Variants in SGMS1 observed in about 807,000 individuals in gnomAD.
SGMS1 encodes the protein phosphatidylcholine:ceramide cholinephosphotransferase 1.
Under a neutral mutation model 46.2 loss-of-function variants are expected in SGMS1, and 13 were observed. The observed-to-expected ratio is 0.28, with a 90% CI of 0.18 to 0.45. SGMS1 has a LOEUF of 0.45. SGMS1 is among the 20% of genes least tolerant of loss of function. The pLI is 1.00. For missense variants in SGMS1, 324 were observed against 519.9 expected, an observed-to-expected ratio of 0.62 and a Z score of 3.66; for synonymous variants, 203 against 187.8, an observed-to-expected ratio of 1.08 and a Z score of -0.66.
chr10:50,602,888 A>G (rs1198870754), intron 1 of SGMS1, among the ~76,000 whole-genome samples: 2 of 152,250 alleles, frequency 1.3e-5, no homozygotes, highest in African/African-American at 4.8e-5. Context: ...CAGGATAGAG[A>G]AAATTTTACA....
intron 5 of SGMS1, among the ~76,000 whole-genome samples, chr10:50,454,683 T>A (rs1011242750): frequency 6.6e-6 from 1 of 152,218 alleles, no homozygotes; most frequent in African/African-American, 2.4e-5. Flanking sequence ...ATTTTACAAT[T>A]CTACTTAAAC....
chr10:50,471,053 A>G (rs759948123), intron 3 of SGMS1, among the ~76,000 whole-genome samples: 1 of 152,226 alleles, frequency 6.6e-6, no homozygotes, highest in African/African-American at 2.4e-5. Context: ...TTAAGGAAGT[A>G]GTTACTAAAA....
chr10:50,386,535 C>A (rs1848685130), intron 6 of SGMS1, among the ~76,000 whole-genome samples: 2 of 152,156 alleles, frequency 1.3e-5, no homozygotes, highest in Admixed American at 6.5e-5. Flanking sequence ...TAAGTGGGAA[C>A]CTGTATGCTG....
At chr10:50,466,771 A>G (rs1289856904) in intron 4 of SGMS1, 119 bp downstream of exon 4, 1 of 152,192 alleles carries the variant, frequency 6.6e-6, no homozygotes, top group Non-Finnish European at 1.5e-5. Context: ...CTATATCCCC[A>G]AGATATTCCT....
chr10:50,358,726 T>C (rs1848197680), intron 6 of SGMS1, among the ~76,000 whole-genome samples: 1 of 152,176 alleles, frequency 6.6e-6, no homozygotes, highest in South Asian at 2.1e-4. Flanking sequence ...TAACAGATCT[T>C]TTAAGGCAAT....
chr10:50,337,072 A>G (rs1847727974), intron 7 of SGMS1, among the ~76,000 whole-genome samples: 1 of 152,214 alleles, frequency 6.6e-6, no homozygotes, highest in African/African-American at 2.4e-5. Context: ...GATAAATATT[A>G]CAGCTTATCA....
At chr10:50,364,565 T>C (rs1422917867) in intron 6 of SGMS1, among the ~76,000 whole-genome samples, 1 of 152,178 alleles carries the variant, frequency 6.6e-6, no homozygotes, top group African/African-American at 2.4e-5. Flanking sequence ...ACAAGGACAA[T>C]GTTCCTGATA....
At chr10:50,612,506 A>C (rs1416248763) in intron 1 of SGMS1, among the ~76,000 whole-genome samples, 1 of 152,240 alleles carries the variant, frequency 6.6e-6, no homozygotes, top group African/African-American at 2.4e-5. Context: ...AAAAAAGAAA[A>C]CAAGGAACTG....
chr10:50,399,049 A>G (rs1848891779), intron 6 of SGMS1, among the ~76,000 whole-genome samples: 1 of 152,106 alleles, frequency 6.6e-6, no homozygotes, highest in Non-Finnish European at 1.5e-5. Context: ...TAAGAGAGGA[A>G]TCTTATCTTT....
At chr10:50,377,250 C>T (rs1157931271) in intron 6 of SGMS1, among the ~76,000 whole-genome samples, 1 of 152,192 alleles carries the variant, frequency 6.6e-6, no homozygotes, top group Non-Finnish European at 1.5e-5. Flanking sequence ...AGATGACTCA[C>T]AAGAGAGAGC....
chr10:50,444,824 G>A (rs994971556), intron 5 of SGMS1, among the ~76,000 whole-genome samples: 1 of 152,116 alleles, frequency 6.6e-6, no homozygotes, highest in Non-Finnish European at 1.5e-5. Context: ...TTGCAATGAT[G>A]AGGTAGACAA....
At chr10:50,606,035 T>G (rs1367272427) in intron 1 of SGMS1, among the ~76,000 whole-genome samples, 1 of 152,208 alleles carries the variant, frequency 6.6e-6, no homozygotes, top group Non-Finnish European at 1.5e-5. Context: ...AACAAATATT[T>G]GTACACCTGT....
intron 3 of SGMS1, among the ~76,000 whole-genome samples, chr10:50,506,313 A>AT (rs1388305874): frequency 1.3e-5 from 2 of 152,162 alleles, no homozygotes; most frequent in African/African-American, 4.8e-5. Context: ...GATTGTACTC[A>AT]TTTTTGCATC....
chr10:50,361,730 C>T (rs1417223428), intron 6 of SGMS1, among the ~76,000 whole-genome samples: 1 of 152,192 alleles, frequency 6.6e-6, no homozygotes, highest in Non-Finnish European at 1.5e-5. Flanking sequence ...CCTGGCTCAA[C>T]TGCAACCCTC....
chr10:50,332,611 C>CTT lies in SGMS1; in HGVS notation c.624-5291_624-5290dup, dbSNP rs150975310. Among the ~76,000 whole-genome samples, 88 of 72,696 alleles carry CTT rather than the reference C, an allele frequency of 1.2e-3. 2 individuals are homozygous for CTT. Among genetic ancestry groups the CTT allele is most frequent in the African/African-American group, 2.3e-3 (40 of 17,140 alleles). The allele number at this position is 72,696 out of a possible 152,430, so 47.7% of individuals were successfully genotyped here. A position where few individuals can be genotyped will look rare whatever the true frequency, so the allele number is the denominator to read the frequency against. On this transcript the variant is annotated intron_variant, in intron 7 of 10. Transcript: ENST00000361781. ...AACATGACATCTCCTTTTTTTAAGT[C>CTT]TTTTTTTTTTTTTTTTTTTTTTTTT...
chr10:50,337,683 T>C (rs1233200725), intron 7 of SGMS1, among the ~76,000 whole-genome samples: 1 of 152,130 alleles, frequency 6.6e-6, no homozygotes, highest in African/African-American at 2.4e-5. Context: ...ATCTAGTCTA[T>C]TGAATAAAAC....
In SGMS1 at chr10:50,412,859, A is replaced by G. The variant is rs534273970; in HGVS notation, c.-232+20617T>C. On this transcript the variant is annotated intron_variant, in intron 6 of 10. Coordinates refer to ENST00000361781, the MANE Select transcript of SGMS1 (RefSeq NM_147156.4). ...ATAGATGACTCTTGTTTTCCATGCA[A>G]CTTATGCCTCCCTCTAATAAGTGCT... is the stretch of plus-strand genomic sequence containing the variant. 2.0e-5 allele frequency among the ~76,000 whole-genome samples: 3 copies of G among 152,336 alleles called. No homozygotes were observed. In the South Asian group the frequency reaches 6.2e-4, roughly 32 times the overall value.
chr10:50,565,497 G>T lies in SGMS1; in HGVS notation c.-589+24656C>A, dbSNP rs145450361. ...ATGCCACCATTTATGTTACACAAAA[G>T]ATACGTCTGGAAAGAAGTGGTTAAG... is the stretch of plus-strand genomic sequence containing the variant. On this transcript the variant is annotated intron_variant, in intron 2 of 10. Transcript: ENST00000361781. Among the ~76,000 whole-genome samples the T allele has an allele frequency of 2.7e-3, 404 of 152,254 alleles. 3 individuals carry two copies. The highest frequency in any genetic ancestry group is 4.2e-3 in the Non-Finnish European group (288 of 68,024).
At chr10:50,487,235 A>G (rs978685011) in intron 3 of SGMS1, among the ~76,000 whole-genome samples, 2 of 152,352 alleles carry the variant, frequency 1.3e-5, no homozygotes, top group Non-Finnish European at 2.9e-5. Flanking sequence ...ATGCAGGAAC[A>G]GAAAACCAAA....
Sources: allele counts gnomAD v4.1 joint callset (sites outside exome capture counted in the v4.1 genomes callset), GRCh38; gene constraint gnomAD v4.1.1; transcripts MANE v1.5; gene names NCBI Gene and HGNC (gene_info 2026-07-23, HGNC 2026-07-21).